The following PEX11G variants were observed in gnomAD, a reference collection of about 807,000 sequenced individuals.
The protein encoded by PEX11G is peroxisomal biogenesis factor 11 gamma, also known as peroxisomal membrane protein 11C.
Under a neutral mutation model 22.5 loss-of-function variants are expected in PEX11G, and 20 were observed. The observed-to-expected ratio is 0.89, with a 90% CI of 0.62 to 1.29. The LOEUF (loss-of-function observed/expected upper bound fraction) is 1.29, where lower values mean the gene tolerates loss of function less well. PEX11G is among the 50% of genes most tolerant of loss of function. PEX11G has a pLI of 0.00. For missense variants in PEX11G, 347 were observed against 331.3 expected (o/e 1.05, Z -0.37); for synonymous variants, 141 against 154.5 (o/e 0.91, Z 0.65).
Position 7,482,032 on chromosome 19 carries a change from C to T in PEX11G, c.428+1G>A, listed in dbSNP as rs149623205. On this transcript the variant is annotated splice_donor_variant, in intron 3 of 4. Transcript: ENST00000221480. LOFTEE classifies it high-confidence loss of function. ...GCTCCCTTCTGGCCCATGCCACTTA[C>T]CTGGCAACCCCCAGGAGCAGAGAGA... 3 of 1,591,704 alleles carry T rather than the reference C, an allele frequency of 1.9e-6. No individual in the cohort carries two copies. The African/African-American group carries it at 4.0e-5, about 21-fold the overall frequency.
chr19:7,481,970 C>T (rs1977507112), intron 3 of PEX11G, 63 bp downstream of exon 3: 1 of 1,441,780 alleles, frequency 6.9e-7, no homozygotes, highest in African/African-American at 1.4e-5. Flanking sequence ...GGGCCGCTGC[C>T]ACTTTGCTAA....
upstream of PEX11G, among the ~76,000 whole-genome samples, chr19:7,490,490 A>ATTT (rs59322811): frequency 7.8e-5 from 9 of 114,882 alleles, no homozygotes; most frequent in African/African-American, 1.9e-4. Context: ...CGCCTGGGTA[A>ATTT]TTTTTTTTTT....
chr19:7,489,587 C>T (rs1388066315), upstream of PEX11G: 1 of 825,346 alleles, frequency 1.2e-6, no homozygotes, highest in African/African-American at 1.9e-5. Flanking sequence ...ACAACCATCA[C>T]CCCTTGCTAG....
At chr19:7,489,114 C>G (rs925028476), upstream of PEX11G, 107 of 1,322,148 alleles carry the variant, frequency 8.1e-5, no homozygotes, top group Non-Finnish European at 1.0e-4. Context: ...GGCGCGGCCG[C>G]AGGCCTTTGT....
At chr19:7,479,846 C>A (rs1977404328) in intron 3 of PEX11G, among the ~76,000 whole-genome samples, 1 of 152,176 alleles carries the variant, frequency 6.6e-6, no homozygotes, top group Admixed American at 6.5e-5. Flanking sequence ...CATGGAGGGG[C>A]ATCAGTTGTA....
upstream of PEX11G, chr19:7,489,164 G>A (rs887864907): frequency 2.7e-5 from 31 of 1,138,930 alleles, no homozygotes; most frequent in Non-Finnish European, 3.6e-5. Flanking sequence ...GGGAGGGACA[G>A]AGTTTGCAGA....
chr19:7,492,598 G>A (rs1487166070), upstream of PEX11G, among the ~76,000 whole-genome samples: 1 of 151,992 alleles, frequency 6.6e-6, no homozygotes. Context: ...ACCCGCCACT[G>A]TGCCCGGCTA....
rs2145942499 is a variant in PEX11G at position 7,477,065 on chromosome 19, G to C, written c.*137C>G. On this transcript the variant is annotated 3_prime_UTR_variant, in exon 5 of 5. Transcript: ENST00000221480. ...CTGAGGCCTGGGGGACCTCGCATCA[G>C]TCCCTCCACCCACCCTGCCCATGGG... 1.3e-6 allele frequency: 1 copy of C among 793,188 alleles called. No homozygotes were observed. The highest frequency in any genetic ancestry group is 2.7e-5 in the South Asian group (1 of 36,920). 49.1% of individuals were successfully genotyped at this position (793,188 alleles called of 1,614,324 possible).
intron 1 of PEX11G, among the ~76,000 whole-genome samples, chr19:7,494,932 C>A (rs868861381): frequency 2.7e-4 from 41 of 152,190 alleles, no homozygotes; most frequent in Admixed American, 1.3e-3. Context: ...ACGGCTGTTC[C>A]TTACCAAGCA....
chr19:7,482,335 T>A, intron 2 of PEX11G, 124 bp from the exon 3 acceptor site: 1 of 1,143,408 alleles, frequency 8.7e-7, no homozygotes, highest in Non-Finnish European at 1.2e-6. Flanking sequence ...TGTCCAGGCC[T>A]GGCAGGCCCC....
At chr19:7,488,687 G>A (rs970287181) in intron 1 of PEX11G, among the ~76,000 whole-genome samples, 1 of 152,226 alleles carries the variant, frequency 6.6e-6, no homozygotes, top group African/African-American at 2.4e-5. Context: ...TGTAGTCCCA[G>A]CTACTCGGGA....
chr19:7,491,434 T>C (rs2021888894), upstream of PEX11G, among the ~76,000 whole-genome samples: 1 of 151,014 alleles, frequency 6.6e-6, no homozygotes, highest in Non-Finnish European at 1.5e-5. Flanking sequence ...CACACCCGGC[T>C]AATTTTTGTA....
chr19:7,486,664 A>C (rs760862562), intron 1 of PEX11G, among the ~76,000 whole-genome samples: 2 of 151,526 alleles, frequency 1.3e-5, no homozygotes, highest in Non-Finnish European at 2.9e-5. Context: ...CGGTGGCGCG[A>C]TCTCGGCTCA....
At chr19:7,494,960 CTTCT>C (rs897539560) in intron 1 of PEX11G, among the ~76,000 whole-genome samples, 26 of 152,034 alleles carry the variant, frequency 1.7e-4, no homozygotes, top group East Asian at 3.9e-4. Context: ...AGTCTTCTGA[CTTCT>C]TTCTTTCTTT....
At chr19:7,494,162 C>A (rs1461004676) in intron 1 of PEX11G, among the ~76,000 whole-genome samples, 1 of 152,190 alleles carries the variant, frequency 6.6e-6, no homozygotes, top group Non-Finnish European at 1.5e-5. Flanking sequence ...CCATCTCAGC[C>A]TCCTAAAGTG....
rs1451948544 is a variant in PEX11G at position 7,488,955 on chromosome 19, C to T, written c.56G>A (p.Arg19His). 6.4e-6 allele frequency: 10 copies of T among 1,553,062 alleles called. No homozygotes were observed. In the Admixed American group the frequency reaches 1.2e-4, roughly 18 times the overall value. The change falls in exon 1 of 5, where the codon CGC becomes CAC. Residue 19 changes from arginine to histidine, a missense_variant. Transcript: ENST00000221480. ...SALESYRGRD[R>H]LIRVLGYCCQ... ...CCCGGTCCGCCCCTGCCTCACCAGG[C>T]GGTCCCGGCCCCTGTACGACTCCAG...
chr19:7,488,507 T>C (rs1283478521), intron 1 of PEX11G, among the ~76,000 whole-genome samples: 1 of 152,016 alleles, frequency 6.6e-6, no homozygotes, highest in Non-Finnish European at 1.5e-5. Flanking sequence ...ACTATCTAAA[T>C]GTCCAACGCT....
At chr19:7,486,896 G>T (rs1460677650) in intron 1 of PEX11G, among the ~76,000 whole-genome samples, 1 of 152,074 alleles carries the variant, frequency 6.6e-6, no homozygotes, top group African/African-American at 2.4e-5. Flanking sequence ...ACCGCGCCTG[G>T]CTACCAAAAA....
upstream of PEX11G, chr19:7,491,182 C>A: frequency 6.6e-6 from 1 of 152,134 alleles, no homozygotes; most frequent in East Asian, 1.9e-4. Flanking sequence ...AAAGCAATCA[C>A]TCAATTCCTC....
Sources: allele counts gnomAD v4.1 joint callset (sites outside exome capture counted in the v4.1 genomes callset), GRCh38; gene constraint gnomAD v4.1.1; transcripts MANE v1.5; gene names NCBI Gene and HGNC (gene_info 2026-07-23, HGNC 2026-07-21).